Variants in PAPOLA observed in about 807,000 individuals in gnomAD.
PAPOLA encodes polynucleotide adenylyltransferase alpha.
Under a neutral mutation model 100.6 loss-of-function variants are expected in PAPOLA, and 15 were observed. The observed-to-expected ratio is 0.15, with a 90% CI of 0.10 to 0.23. The LOEUF is 0.23. PAPOLA is among the 10% of genes least tolerant of loss of function. PAPOLA has a pLI of 1.00. For missense variants in PAPOLA, 533 were observed against 884.2 expected (o/e 0.60, Z 5.04); for synonymous variants, 293 against 300.0 (o/e 0.98, Z 0.24).
chr14:96,527,600 G>T (rs1898602210), intron 5 of PAPOLA, 61 bp downstream of exon 5: 1 of 891,656 alleles, frequency 1.1e-6, no homozygotes, highest in South Asian at 1.4e-5. Context: ...TCAGTTGAGT[G>T]AATTTTATGA....
At chr14:96,507,311 G>A (rs1489255539) in intron 1 of PAPOLA, among the ~76,000 whole-genome samples, 22 of 114,016 alleles carry the variant, frequency 1.9e-4, no homozygotes, top group Admixed American at 5.0e-4. Flanking sequence ...TTTTTGAGAC[G>A]GAGTCTCGTT....
At chr14:96,506,622 A>C (rs1896733191) in intron 1 of PAPOLA, among the ~76,000 whole-genome samples, 1 of 152,214 alleles carries the variant, frequency 6.6e-6, no homozygotes, top group Non-Finnish European at 1.5e-5. Flanking sequence ...GGTTTTTCCC[A>C]ATACTTAAAA....
Position 96,505,099 on chromosome 14 carries a change from G to T in PAPOLA, c.8+2499G>T, listed in dbSNP as rs186074964. On this transcript the variant is annotated intron_variant, in intron 1 of 21. Coordinates refer to ENST00000216277, the MANE Select transcript of PAPOLA (RefSeq NM_032632.5). The stretch of plus-strand genomic sequence containing the variant: ...ATAGTCTGATTTAAGAGTCATGGTG[G>T]TGAAGCTTCTGAAAGTTTTGATAGT... Among the ~76,000 whole-genome samples the T allele has an allele frequency of 2.4e-3, 360 of 152,288 alleles. 5 individuals are homozygous for T. The highest frequency in any genetic ancestry group is 8.2e-3 in the African/African-American group (342 of 41,556).
At chr14:96,525,174 T>C (rs1898355951) in intron 3 of PAPOLA, 136 bp from the exon 4 acceptor site, 1 of 565,134 alleles carries the variant, frequency 1.8e-6, no homozygotes, top group Admixed American at 3.8e-5. Flanking sequence ...TTAAGAACTT[T>C]TATAGACTTT....
chr14:96,557,073 G>T (rs530257948), intron 19 of PAPOLA, among the ~76,000 whole-genome samples: 2 of 152,120 alleles, frequency 1.3e-5, no homozygotes, highest in East Asian at 3.9e-4. Context: ...TGAGACAGGG[G>T]CTGGCTCTTT....
rs1168118841 is a variant in PAPOLA at position 96,520,082 on chromosome 14, A to G, written c.36A>G (p.Gln12=). The change falls in exon 2 of 22, where the codon CAA becomes CAG. Residue 12 remains glutamine, a synonymous_variant. Transcript: ENST00000216277. The part of the protein sequence containing the change: ...PFPVTTQGSQ[Q]TQPPQKHYGI... Reference sequence around the variant, plus strand: ...CAGTTACAACACAGGGATCACAACAAACACAACCGCCACAGAAGCACTATG... The same window carrying G: ...CAGTTACAACACAGGGATCACAACAGACACAACCGCCACAGAAGCACTATG... 6.2e-7 allele frequency: 1 copy of G among 1,613,312 alleles called. No homozygotes were observed. The highest frequency in any genetic ancestry group is 1.3e-5 in the African/African-American group (1 of 74,892).
At chr14:96,538,459 T>C (rs780459831) in intron 12 of PAPOLA, among the ~76,000 whole-genome samples, 2 of 152,070 alleles carry the variant, frequency 1.3e-5, no homozygotes, top group Non-Finnish European at 2.9e-5. Context: ...TAAACTATGC[T>C]TCAGTCCTTG....
chr14:96,516,365 A>C (rs1435804756), intron 1 of PAPOLA, among the ~76,000 whole-genome samples: 42 of 120,830 alleles, frequency 3.5e-4, no homozygotes, highest in African/African-American at 6.7e-4. Context: ...TCCCTCCCTC[A>C]TTCTCTCCCT....
intron 19 of PAPOLA, among the ~76,000 whole-genome samples, chr14:96,559,491 G>A (rs983055758): frequency 1.4e-5 from 2 of 147,760 alleles, no homozygotes. Context: ...AATATAAATG[G>A]TAATGTAAAA....
chr14:96,518,484 C>T lies in PAPOLA; in HGVS notation c.9-1571C>T, dbSNP rs939202780. Among the ~76,000 whole-genome samples, 3 of 151,992 alleles carry T rather than the reference C, an allele frequency of 2.0e-5. No homozygotes were observed. In the East Asian group the frequency reaches 5.9e-4, roughly 30 times the overall value. ...AGTGCAGTGGTGCGATCTCAGCTCA[C>T]TGCAAGCTCCGCCTCCCAGGTTCAC... is the stretch of plus-strand genomic sequence containing the variant. On this transcript the variant is annotated intron_variant, in intron 1 of 21. Coordinates refer to ENST00000216277, the MANE Select transcript of PAPOLA (RefSeq NM_032632.5).
chr14:96,519,227 A>G (rs1000649667), intron 1 of PAPOLA, among the ~76,000 whole-genome samples: 19 of 152,154 alleles, frequency 1.2e-4, no homozygotes, highest in South Asian at 4.2e-4. Flanking sequence ...CACCTGGCCT[A>G]TAAACACTTA....
chr14:96,559,581 C>CTCTCTATATATATATA (rs370979875), intron 19 of PAPOLA, among the ~76,000 whole-genome samples: 1 of 120,182 alleles, frequency 8.3e-6, no homozygotes, highest in Non-Finnish European at 1.7e-5. Flanking sequence ...CTCTCTCTCT[C>CTCTCTATATATATATA]TATATATATA....
chr14:96,563,072 C>T (rs186279883), intron 21 of PAPOLA, among the ~76,000 whole-genome samples, 179 bp downstream of exon 21: 1 of 152,218 alleles, frequency 6.6e-6, no homozygotes, highest in Admixed American at 6.5e-5. Context: ...TTTGACGGAA[C>T]CGTTCTCTGG....
At chr14:96,529,832 G>A (rs1012490774) in intron 6 of PAPOLA, among the ~76,000 whole-genome samples, 2 of 152,188 alleles carry the variant, frequency 1.3e-5, no homozygotes, top group Non-Finnish European at 2.9e-5. Flanking sequence ...AACTACCAAA[G>A]CTGTGCTGTT....
chr14:96,502,586 G>A lies in PAPOLA; in HGVS notation c.-7G>A, dbSNP rs1778475026. The A allele has an allele frequency of 7.6e-6, 12 of 1,568,700 alleles. No homozygotes were observed. Among genetic ancestry groups the A allele is most frequent in the South Asian group, 1.2e-5 (1 of 85,810 alleles). ...GAAGTGACTGGGCGGTGCCGGCGCCGGAGACGATGCCGTTGTAAGTAATTT... is the reference window on the plus strand; with the variant it reads ...GAAGTGACTGGGCGGTGCCGGCGCCAGAGACGATGCCGTTGTAAGTAATTT... On this transcript the variant is annotated 5_prime_UTR_variant, in exon 1 of 22. Coordinates refer to ENST00000216277, the MANE Select transcript of PAPOLA (RefSeq NM_032632.5).
At chr14:96,556,601 A>G (rs1427100080) in intron 19 of PAPOLA, among the ~76,000 whole-genome samples, 188 bp downstream of exon 19, 3 of 152,190 alleles carry the variant, frequency 2.0e-5, no homozygotes, top group African/African-American at 7.2e-5. Context: ...CTTCTCAGTA[A>G]CTACCTCTGC....
chr14:96,532,718 A>T, intron 9 of PAPOLA, 69 bp downstream of exon 9: 1 of 1,467,812 alleles, frequency 6.8e-7, no homozygotes, highest in East Asian at 2.5e-5. Context: ...TTTCTATGAC[A>T]TTTCTCAGCT....
chr14:96,560,627 A>G, intron 19 of PAPOLA, 22 bp from the exon 20 acceptor site: 1 of 1,558,156 alleles, frequency 6.4e-7, no homozygotes, highest in Non-Finnish European at 8.8e-7. Context: ...TTAGAGAATA[A>G]AGCTTTTTTT....
At chr14:96,506,130 C>T (rs1244974359) in intron 1 of PAPOLA, among the ~76,000 whole-genome samples, 1 of 152,110 alleles carries the variant, frequency 6.6e-6, no homozygotes, top group South Asian at 2.1e-4. Flanking sequence ...TCTCGATTTC[C>T]TGACCTCGTG....
Sources: allele counts gnomAD v4.1 joint callset (sites outside exome capture counted in the v4.1 genomes callset), GRCh38; gene constraint gnomAD v4.1.1; transcripts MANE v1.5; gene names NCBI Gene and HGNC (gene_info 2026-07-23, HGNC 2026-07-21).